The following DISC1 variants were observed in gnomAD, a reference collection of about 807,000 sequenced individuals.
DISC1 encodes disrupted in schizophrenia 1 protein.
A neutral mutation model predicts 84.5 loss-of-function variants in DISC1; 57 were observed. That is an observed-to-expected ratio of 0.67 (90% CI 0.55 to 0.84). The LOEUF is 0.84. DISC1 is among the 40% of genes least tolerant of loss of function. DISC1 has a pLI of 0.00. For missense variants in DISC1, 1,000 were observed against 1,057.8 expected (o/e 0.95, Z 0.76); for synonymous variants, 411 against 415.2 (o/e 0.99, Z 0.12).
intron 1 of DISC1, among the ~76,000 whole-genome samples, chr1:231,653,959 A>G (rs2060848184): frequency 6.6e-6 from 1 of 152,228 alleles, no homozygotes; most frequent in South Asian, 2.1e-4. Context: ...ACAGGCCCAA[A>G]GCAACAATGG....
chr1:231,735,276 TTG>T lies in DISC1; in HGVS notation c.1118-14649_1118-14648del, dbSNP rs1449032332. On this transcript the variant is annotated intron_variant, in intron 3 of 12. Transcript: ENST00000439617. Reference sequence around the variant, plus strand: ...TATTTCCTGTTTTCCTAATTGTTCATTGACTTACTGCATACCATTCTATGAGT... The same window carrying T: ...TATTTCCTGTTTTCCTAATTGTTCATACTTACTGCATACCATTCTATGAGT... 4.6e-5 allele frequency among the ~76,000 whole-genome samples: 7 copies of T among 152,254 alleles called. No individual in the cohort carries two copies. In the South Asian group the frequency reaches 6.2e-4, roughly 13 times the overall value.
At chr1:231,707,472 C>T (rs990069339) in intron 3 of DISC1, among the ~76,000 whole-genome samples, 2 of 152,098 alleles carry the variant, frequency 1.3e-5, no homozygotes, top group Non-Finnish European at 2.9e-5. Context: ...ACAAAATCTG[C>T]TGATTAAAAC....
intron 9 of DISC1, among the ~76,000 whole-genome samples, chr1:231,933,633 A>C (rs1572156562): frequency 6.6e-6 from 1 of 152,294 alleles, no homozygotes; most frequent in African/African-American, 2.4e-5. Context: ...ATTCTATCAT[A>C]TCTCTGATTT....
At chr1:231,933,718 A>G (rs2090808768) in intron 9 of DISC1, among the ~76,000 whole-genome samples, 1 of 152,212 alleles carries the variant, frequency 6.6e-6, no homozygotes, top group Non-Finnish European at 1.5e-5. Context: ...TTAAAATTAA[A>G]TATGTCTCTC....
chr1:231,855,536 C>T (rs1384905611), intron 9 of DISC1, among the ~76,000 whole-genome samples: 1 of 152,114 alleles, frequency 6.6e-6, no homozygotes, highest in Admixed American at 6.6e-5. Context: ...TGAAGTAGTC[C>T]CTTTTCTTGC....
intron 9 of DISC1, among the ~76,000 whole-genome samples, chr1:231,895,423 T>A (rs1490030458): frequency 6.8e-6 from 1 of 146,946 alleles, no homozygotes; most frequent in Non-Finnish European, 1.5e-5. Context: ...CATATATATG[T>A]GTGTGTGTAT....
intron 3 of DISC1, among the ~76,000 whole-genome samples, chr1:231,734,280 C>T (rs1429426656): frequency 6.6e-6 from 1 of 151,988 alleles, no homozygotes; most frequent in African/African-American, 2.4e-5. Context: ...CATTTACTTC[C>T]CTGGCACATT....
chr1:231,927,794 G>T (rs1170584225), intron 9 of DISC1, among the ~76,000 whole-genome samples: 1 of 152,224 alleles, frequency 6.6e-6, no homozygotes, highest in Non-Finnish European at 1.5e-5. Flanking sequence ...GTTTCCAAAT[G>T]CTGGACCCCC....
At chr1:231,912,418 A>C (rs2089282069) in intron 9 of DISC1, among the ~76,000 whole-genome samples, 1 of 152,234 alleles carries the variant, frequency 6.6e-6, no homozygotes, top group Admixed American at 6.5e-5. Context: ...CCTCAGCTGC[A>C]GGTCTGTTGG....
At chr1:231,870,545 G>A (rs1208494893) in intron 9 of DISC1, among the ~76,000 whole-genome samples, 2 of 152,196 alleles carry the variant, frequency 1.3e-5, no homozygotes, top group African/African-American at 4.8e-5. Context: ...GTGGGAAGGC[G>A]GCTGGAGCAG....
chr1:231,999,130 AAAAAT>A (rs1204835924), intron 10 of DISC1, among the ~76,000 whole-genome samples: 1 of 152,174 alleles, frequency 6.6e-6, no homozygotes. Flanking sequence ...AAAAGAGAAA[AAAAAT>A]AAAATGTTTA....
At chr1:231,759,388 C>T (rs563680327) in intron 4 of DISC1, among the ~76,000 whole-genome samples, 1 of 151,852 alleles carries the variant, frequency 6.6e-6, no homozygotes, top group Non-Finnish European at 1.5e-5. Flanking sequence ...TATGATACAA[C>T]ATGAAAATTA....
At chr1:231,943,688 A>C (rs910345115) in intron 9 of DISC1, 1 of 151,540 alleles carries the variant, frequency 6.6e-6, no homozygotes, top group African/African-American at 2.4e-5. Flanking sequence ...GAAAAAGAAC[A>C]TGATTGTTGA....
intron 3 of DISC1, among the ~76,000 whole-genome samples, chr1:231,733,230 TGGTA>T (rs2071839527): frequency 6.9e-6 from 1 of 145,332 alleles, no homozygotes; most frequent in Non-Finnish European, 1.5e-5. Context: ...TTGTTGGTGA[TGGTA>T]GGTAGGAGTG....
intron 9 of DISC1, chr1:231,866,745 G>C: frequency 7.5e-7 from 1 of 1,326,378 alleles, no homozygotes; most frequent in Non-Finnish European, 9.7e-7. Context: ...GTCGTGCTTT[G>C]TATGGATTCT....
At chr1:231,652,836 G>A (rs1189305801) in intron 1 of DISC1, among the ~76,000 whole-genome samples, 2 of 152,226 alleles carry the variant, frequency 1.3e-5, no homozygotes, top group Non-Finnish European at 2.9e-5. Flanking sequence ...CTGGAGTGCA[G>A]TGGCACGATT....
At position 231,853,500 on chromosome 1, in the gene DISC1, G is replaced by C. The variant is rs371158477; in HGVS notation, c.1981+34983G>C. ...ATCTGAACATATCTAAACAGAAAAG[G>C]TACAGTAAAAATGTGGCATTATAAT... On this transcript the variant is annotated intron_variant, in intron 9 of 12. Coordinates refer to ENST00000439617, the MANE Select transcript of DISC1 (RefSeq NM_018662.3). Among the ~76,000 whole-genome samples, 7 of 152,318 alleles carry C rather than the reference G, an allele frequency of 4.6e-5. No individual in the cohort carries two copies. In the East Asian group the frequency reaches 7.7e-4, roughly 17 times the overall value.
intron 9 of DISC1, among the ~76,000 whole-genome samples, chr1:231,938,096 A>G (rs566143285): frequency 4.0e-5 from 6 of 151,862 alleles, no homozygotes; most frequent in Non-Finnish European, 8.8e-5. Flanking sequence ...TTTTCCCTCC[A>G]CATGCCTGAT....
At chr1:231,973,419 G>A (rs528377911) in intron 10 of DISC1, among the ~76,000 whole-genome samples, 12 of 152,334 alleles carry the variant, frequency 7.9e-5, no homozygotes, top group Admixed American at 7.2e-4. Flanking sequence ...CAAAGGTCTC[G>A]AAGCAGCAAG....
Sources: gnomAD v4.1 joint callset for allele counts (sites outside exome capture counted in the v4.1 genomes callset) on GRCh38, gnomAD v4.1.1 for gene constraint, MANE v1.5 for transcripts, NCBI Gene and HGNC (gene_info 2026-07-23, HGNC 2026-07-21) for gene names.